LRRFIP1: variants seen among roughly 807,000 people sequenced by gnomAD.
The protein encoded by LRRFIP1 is LRR binding FLII interacting protein 1.
In LRRFIP1, 62 loss-of-function variants were observed where a neutral mutation model predicts 104.4. The ratio of observed to expected loss-of-function variants is 0.59; its 90% CI spans 0.48 to 0.73. LRRFIP1 has a LOEUF of 0.73. Among genes scored for constraint, LRRFIP1 ranks in the 30% least tolerant of loss-of-function variants. The pLI, the probability that LRRFIP1 is intolerant of heterozygous loss-of-function variation, is 0.00. For missense variants in LRRFIP1, 796 were observed against 824.5 expected, an observed-to-expected ratio of 0.97 and a Z score of 0.42; for synonymous variants, 300 against 299.0, an observed-to-expected ratio of 1.00 and a Z score of -0.03.
In LRRFIP1 at chr2:237,708,648, T is replaced by C. The variant is rs903368; in HGVS notation, c.183+18T>C. On this transcript the variant is annotated intron_variant, in intron 2 of 23. Transcript: ENST00000308482. ...AGAAGGAGGTAACGCTTGGGGCTCC[T>C]TGTTGGGTCTTTTCACAGTGATTTG... 13,847 of 1,584,072 alleles carry C rather than the reference T, an allele frequency of 8.7e-3. 751 individuals carry two copies. In the African/African-American group the frequency reaches 0.14, roughly 16 times the overall value.
At position 237,691,756 on chromosome 2, in the gene LRRFIP1, G is replaced by C. The variant is rs1223413002; in HGVS notation, c.97-16788G>C. Among the ~76,000 whole-genome samples, 1 of 151,950 alleles carries C rather than the reference G, an allele frequency of 6.6e-6. No individual in the cohort carries two copies. The highest frequency in any genetic ancestry group is 1.5e-5 in the Non-Finnish European group (1 of 67,932). On this transcript the variant is annotated intron_variant, in intron 1 of 23. Transcript: ENST00000308482. This position sits in a 1 kb window ranked among gnomAD's most constrained non-coding sequence, Gnocchi z 5.4. ...GCGCGGCATCCTCCCCGGAGCGCCC[G>C]CTTCCCACGGCCCCTGCGGGTGGAG...
At chr2:237,662,200 G>A (rs1001560512) in intron 1 of LRRFIP1, among the ~76,000 whole-genome samples, 2 of 152,064 alleles carry the variant, frequency 1.3e-5, no homozygotes, top group Admixed American at 6.6e-5. Context: ...CCGTCTCCAC[G>A]TGGCCCCCTC....
intron 1 of LRRFIP1, among the ~76,000 whole-genome samples, chr2:237,697,688 G>T (rs10192143): frequency 1.3e-5 from 2 of 152,028 alleles, no homozygotes; most frequent in Non-Finnish European, 2.9e-5. Flanking sequence ...TGAAACCCTA[G>T]AGGTCTGGGG....
chr2:237,649,795 G>A lies in LRRFIP1; in HGVS notation c.96+22055G>A, dbSNP rs1413826620. 6.6e-6 allele frequency among the ~76,000 whole-genome samples: 1 copy of A among 151,812 alleles called. No individual in the cohort carries two copies. The highest frequency in any genetic ancestry group is 1.5e-5 in the Non-Finnish European group (1 of 67,898). ...ACCAGTCCTTGGTCATGCCACCCGG[G>A]CTGAGTTCATTTACCTGCTCATTCA... On this transcript the variant is annotated intron_variant, in intron 1 of 23. Coordinates refer to ENST00000308482, the MANE Select transcript of LRRFIP1 (RefSeq NM_001137550.2). This position sits in a 1 kb window ranked among gnomAD's most constrained non-coding sequence, Gnocchi z 4.1.
chr2:237,692,172 C>A lies in LRRFIP1; in HGVS notation c.97-16372C>A, dbSNP rs1423683242. On this transcript the variant is annotated intron_variant, in intron 1 of 23. Coordinates refer to ENST00000308482, the MANE Select transcript of LRRFIP1 (RefSeq NM_001137550.2). ...GTGGGGGGCGGGGCGGGCCGTGGGA[C>A]GGGCGGAGGCGCCCGAGTCCCGCTT... 30 of 1,019,178 alleles carry A rather than the reference C, an allele frequency of 2.9e-5. No homozygotes were observed. In the African/African-American group the frequency reaches 4.2e-4, roughly 14 times the overall value. 63.1% of individuals were successfully genotyped at this position (1,019,178 alleles called of 1,614,324 possible). A position where few individuals can be genotyped will look rare whatever the true frequency, so the allele number is the denominator to read the frequency against.
rs766559380 is a variant in LRRFIP1 at position 237,703,922 on chromosome 2, C to T, written c.97-4622C>T. Among the ~76,000 whole-genome samples, 3 of 152,114 alleles carry T rather than the reference C, an allele frequency of 2.0e-5. No homozygotes were observed. The highest frequency in any genetic ancestry group is 7.2e-5 in the African/African-American group (3 of 41,404). ...TTCAGAAGCTCTTCAAGCAGTCTGA[C>T]GTGGCTGTGGCCCGTCATGAGATTT... is the stretch of plus-strand genomic sequence containing the variant. On this transcript the variant is annotated intron_variant, in intron 1 of 23. Coordinates refer to ENST00000308482, the MANE Select transcript of LRRFIP1 (RefSeq NM_001137550.2). The surrounding 1 kb of genome is among the most constrained non-coding windows in gnomAD (Gnocchi z 4.3).
At position 237,629,469 on chromosome 2, in the gene LRRFIP1, T is replaced by TC. The variant is rs886303994; in HGVS notation, c.96+1729_96+1730insC. 2.4e-4 allele frequency among the ~76,000 whole-genome samples: 10 copies of TC among 42,250 alleles called. No homozygotes were observed. The South Asian group carries it at 3.7e-3, about 16-fold the overall frequency. The allele number at this position is 42,250 out of a possible 152,430, so 27.7% of individuals were successfully genotyped here. A position where few individuals can be genotyped will look rare whatever the true frequency, so the allele number is the denominator to read the frequency against. On this transcript the variant is annotated intron_variant, in intron 1 of 23. Coordinates refer to ENST00000308482, the MANE Select transcript of LRRFIP1 (RefSeq NM_001137550.2). ...TTATCCACTGGTGTTTCTTTCTTCT[T>TC]TTTTTTTTTTTTTTTTTTTTTTAAC...
intron 11 of LRRFIP1, among the ~76,000 whole-genome samples, chr2:237,747,824 T>A (rs1271778951): frequency 6.6e-6 from 1 of 151,996 alleles, no homozygotes; most frequent in East Asian, 1.9e-4. Context: ...GGGCTTATGA[T>A]AAGAACCTTC....
intron 1 of LRRFIP1, among the ~76,000 whole-genome samples, chr2:237,664,246 G>A (rs1017702324): frequency 9.2e-5 from 14 of 152,256 alleles, no homozygotes; most frequent in African/African-American, 2.4e-5. Flanking sequence ...AGAGGAGGGG[G>A]CCCAAGCCAG....
rs772846665 is a variant in LRRFIP1, at chr2:237,708,622, CAGA to C, written c.178_180del (p.Lys60del). 107 of 1,597,788 alleles carry C rather than the reference CAGA, an allele frequency of 6.7e-5. No homozygotes were observed. Among genetic ancestry groups the C allele is most frequent in the Non-Finnish European group, 8.4e-5 (98 of 1,170,210 alleles). Reference sequence around the variant, plus strand: ...CCGCATGAAGGAGCTGGAGCGGCAGCAGAAGGAGGTAACGCTTGGGGCTCCTTG... The same window carrying C: ...CCGCATGAAGGAGCTGGAGCGGCAGCAGGAGGTAACGCTTGGGGCTCCTTG... On this transcript the variant is annotated inframe_deletion, in exon 2 of 24. Coordinates refer to ENST00000308482, the MANE Select transcript of LRRFIP1 (RefSeq NM_001137550.2).
At chr2:237,762,629 A>T (rs752691698) in intron 19 of LRRFIP1, 6 of 1,607,860 alleles carry the variant, frequency 3.7e-6, no homozygotes, top group East Asian at 2.2e-5. Context: ...GGAGGTGAAA[A>T]ATGAAATCGT....
At chr2:237,668,712 T>C (rs1480436486) in intron 1 of LRRFIP1, among the ~76,000 whole-genome samples, 1 of 152,190 alleles carries the variant, frequency 6.6e-6, no homozygotes, top group Non-Finnish European at 1.5e-5. Context: ...TCACAGCATT[T>C]TTCCTGAGGT....
chr2:237,668,974 G>A (rs1168847019), intron 1 of LRRFIP1, among the ~76,000 whole-genome samples: 1 of 151,954 alleles, frequency 6.6e-6, no homozygotes, highest in Non-Finnish European at 1.5e-5. Flanking sequence ...TCTCAATTAT[G>A]TGTCTCTAAA....
chr2:237,757,342 G>C lies in LRRFIP1; in HGVS notation c.1132-114G>C. The stretch of plus-strand genomic sequence containing the variant: ...TGACAATGAGTTCAGGGTTGATGAG[G>C]TGAAAGAGTGCTTGCGGCCTCACTC... On this transcript the variant is annotated intron_variant, in intron 16 of 23. Coordinates refer to ENST00000308482, the MANE Select transcript of LRRFIP1 (RefSeq NM_001137550.2). 10 of 666,016 alleles carry C rather than the reference G, an allele frequency of 1.5e-5. No homozygotes were observed. The South Asian group carries it at 1.9e-4, about 13-fold the overall frequency. 41.3% of individuals were successfully genotyped at this position (666,016 alleles called of 1,614,324 possible).
intron 7 of LRRFIP1, among the ~76,000 whole-genome samples, chr2:237,726,077 C>T (rs2094737049): frequency 1.3e-5 from 2 of 152,170 alleles, no homozygotes; most frequent in South Asian, 4.1e-4. Flanking sequence ...CATGCATTTT[C>T]ATGTCAAATA....
chr2:237,666,845 T>TTTTCTTTC (rs539733839), intron 1 of LRRFIP1, among the ~76,000 whole-genome samples: 3 of 148,822 alleles, frequency 2.0e-5, no homozygotes, highest in African/African-American at 7.4e-5. Flanking sequence ...CTGCCTTCTT[T>TTTTCTTTC]TTTCTTTCTT....
intron 19 of LRRFIP1, chr2:237,762,565 A>G: frequency 6.6e-7 from 1 of 1,519,230 alleles, no homozygotes; most frequent in Non-Finnish European, 8.9e-7. Flanking sequence ...TGGCCGCCAC[A>G]TCATGGGGTC....
Position 237,724,256 on chromosome 2 carries a change from G to A in LRRFIP1, c.384+670G>A, listed in dbSNP as rs117613669. 1.4e-4 allele frequency among the ~76,000 whole-genome samples: 21 copies of A among 152,282 alleles called. No individual in the cohort carries two copies. The East Asian group carries it at 2.7e-3, about 20-fold the overall frequency. On this transcript the variant is annotated intron_variant, in intron 7 of 23. Coordinates refer to ENST00000308482, the MANE Select transcript of LRRFIP1 (RefSeq NM_001137550.2). ...GCACAGCTCAGCATTAAAGTGATTC[G>A]ATACTGAAGTTATTGTAGCATATTA...
At chr2:237,657,407 TAGAG>T (rs2086999754) in intron 1 of LRRFIP1, among the ~76,000 whole-genome samples, 2 of 151,980 alleles carry the variant, frequency 1.3e-5, no homozygotes, top group East Asian at 1.9e-4. Context: ...CCAGAAAACA[TAGAG>T]ATAGTACAGT....
Sources: gnomAD v4.1 joint callset for allele counts (sites outside exome capture counted in the v4.1 genomes callset) on GRCh38, gnomAD v4.1.1 for gene constraint, Gnocchi (gnomAD v3.1) non-coding constraint, MANE v1.5 for transcripts, NCBI Gene and HGNC (gene_info 2026-07-23, HGNC 2026-07-21) for gene names.